Variants in CRB2 observed in about 807,000 individuals in gnomAD.
CRB2 encodes the protein protein crumbs homolog 2.
In CRB2, 85 loss-of-function variants were observed where a neutral mutation model predicts 110.9. That is an observed-to-expected ratio of 0.77 (90% CI 0.64 to 0.92). The LOEUF is 0.92. CRB2 is among the 40% of genes least tolerant of loss of function. The pLI, the probability that CRB2 is intolerant of heterozygous loss-of-function variation, is 0.00. For synonymous variants in CRB2, 907 were observed against 831.0 expected (o/e 1.09, Z -1.57); for missense variants, 1,843 against 1,851.3 (o/e 1.00, Z 0.08).
At chr9:123,375,196 T>C in intron 11 of CRB2, 21 bp from the exon 12 acceptor site, 1 of 1,611,132 alleles carries the variant, frequency 6.2e-7, no homozygotes. Flanking sequence ...AGCCGCTTTC[T>C]CAGCCCCCCT....
At chr9:123,367,451 A>ACCCCC (rs1564372166) in intron 5 of CRB2, 94 bp downstream of exon 5, 9 of 137,830 alleles carry the variant, frequency 6.5e-5, no homozygotes. Flanking sequence ...CCCCCACCCC[A>ACCCCC]CACCCCACAC....
At chr9:123,367,504 G>GT in intron 5 of CRB2, 69 bp from the exon 6 acceptor site, 1 of 1,373,464 alleles carries the variant, frequency 7.3e-7, no homozygotes, top group Non-Finnish European at 9.9e-7. Context: ...TCTAGCTATA[G>GT]AATGGACCCT....
chr9:123,364,197 G>A (rs185488363), intron 2 of CRB2, among the ~76,000 whole-genome samples: 174 of 152,336 alleles, frequency 1.1e-3, no homozygotes, highest in African/African-American at 4.1e-3. Flanking sequence ...TAGTGTACAT[G>A]CCAGTGCAGG....
chr9:123,365,737 C>A (rs1333856330), intron 2 of CRB2, among the ~76,000 whole-genome samples, 180 bp from the exon 3 acceptor site: 2 of 152,198 alleles, frequency 1.3e-5, no homozygotes, highest in South Asian at 2.1e-4. Flanking sequence ...CTGTCTGTCT[C>A]GTTTCTCTCC....
chr9:123,374,088 A>C lies in CRB2; in HGVS notation c.3389+168A>C, dbSNP rs1226310521. 5.2e-6 allele frequency: 5 copies of C among 961,984 alleles called. 1 individual carries two copies. In the South Asian group the frequency reaches 6.9e-5, roughly 13 times the overall value. 59.6% of individuals were successfully genotyped at this position (961,984 alleles called of 1,614,324 possible). On this transcript the variant is annotated intron_variant, in intron 10 of 12. Coordinates refer to ENST00000373631, the MANE Select transcript of CRB2 (RefSeq NM_173689.7). ...TTTGATAAATTTCCTGATAAAATAC[A>C]GATCAAAACACAACCAGTTAGCCTG...
Position 123,363,093 on chromosome 9 carries a change from A to C in CRB2, c.323A>C (p.Asp108Ala), listed in dbSNP as rs1310795614. Reference protein sequence around the residue: ...PGFQGPRCELDIDECASRPCH... With the variant: ...PGFQGPRCELAIDECASRPCH... ...TTCCAGGGCCCACGCTGCGAGCTGG[A>C]CATCGATGAGTGTGCATCCCGGCCG... is the stretch of plus-strand genomic sequence containing the variant. Residue 108 changes from aspartate (D) to alanine (A), a missense_variant, in exon 2 of 13, where the codon GAC becomes GCC. Coordinates refer to ENST00000373631, the MANE Select transcript of CRB2 (RefSeq NM_173689.7). The C allele has an allele frequency of 6.2e-7, 1 of 1,611,424 alleles. No homozygotes were observed. Among genetic ancestry groups the C allele is most frequent in the African/African-American group, 1.3e-5 (1 of 74,902 alleles).
Position 123,373,268 on chromosome 9 carries a change from G to A in CRB2, c.2737G>A (p.Ala913Thr), listed in dbSNP as rs1016336000. 18 of 1,484,234 alleles carry A rather than the reference G, an allele frequency of 1.2e-5. No homozygotes were observed. The African/African-American group carries it at 2.2e-4, about 18-fold the overall frequency. 91.9% of individuals were successfully genotyped at this position (1,484,234 alleles called of 1,614,324 possible). ...RDSEAWLLRA[A>T]AGALEGVWLA... is the part of the protein sequence containing the mutation. ...CTCCGAGGCCTGGCTGCTGCGTGCC[G>A]CGGCGGGCGCCCTGGAAGGCGTGTG... is the stretch of plus-strand genomic sequence containing the variant. Residue 913 changes from alanine to threonine, a missense_variant, in exon 10 of 13, where the codon GCG becomes ACG. Ala to Thr is a moderately conservative substitution (Grantham distance 58, BLOSUM62 0). Coordinates refer to ENST00000373631, the MANE Select transcript of CRB2 (RefSeq NM_173689.7).
chr9:123,366,204 C>T (rs1290214184), intron 3 of CRB2, 23 bp from the exon 4 acceptor site: 2 of 1,404,016 alleles, frequency 1.4e-6, no homozygotes, highest in Non-Finnish European at 1.8e-6. Flanking sequence ...GCGCGCTCAG[C>T]TCCGCCGGTG....
chr9:123,368,707 G>T (rs1319731054), intron 6 of CRB2: 1 of 985,888 alleles, frequency 1.0e-6, no homozygotes, highest in Non-Finnish European at 1.2e-6. Flanking sequence ...GACCCCAGCT[G>T]CAGGGCTGGG....
chr9:123,371,027 C>T, intron 7 of CRB2, 43 bp from the exon 8 acceptor site: 1 of 1,597,256 alleles, frequency 6.3e-7, no homozygotes, highest in South Asian at 1.1e-5. Flanking sequence ...ATCTGCCTCC[C>T]TCAGCCTGCA....
Position 123,370,668 on chromosome 9 carries a change from G to A in CRB2, c.1615G>A (p.Gly539Ser). 1 of 1,607,142 alleles carries A rather than the reference G, an allele frequency of 6.2e-7. No individual in the cohort carries two copies. The highest frequency in any genetic ancestry group is 8.5e-7 in the Non-Finnish European group (1 of 1,179,962). The change falls in exon 7 of 13, where the codon GGC becomes AGC. Residue 539 changes from glycine (G) to serine (S), a missense_variant. Transcript: ENST00000373631. ...CCTGGAGCTACGGCTCTGGCATGAGGGCTGCCCTGCCCGGCTCTGTGTGGC... is the reference window on the plus strand; with the variant it reads ...CCTGGAGCTACGGCTCTGGCATGAGAGCTGCCCTGCCCGGCTCTGTGTGGC... ...ATLELRLWHE[G>S]CPARLCVASG...
In CRB2 at chr9:123,373,462, G is replaced by T; in HGVS notation, c.2931G>T (p.Leu977=). The T allele has an allele frequency of 6.9e-7, 1 of 1,455,616 alleles. No homozygotes were observed. The highest frequency in any genetic ancestry group is 2.6e-5 in the Admixed American group (1 of 38,468). 90.2% of individuals were successfully genotyped at this position (1,455,616 alleles called of 1,614,324 possible). A position where few individuals can be genotyped will look rare whatever the true frequency, so the allele number is the denominator to read the frequency against. ...CCACCTCGCGCTGGCTGCTGTGGCTGGATGGTGCCGCCACCCCGGTGGCGC... is the reference window on the plus strand; with the variant it reads ...CCACCTCGCGCTGGCTGCTGTGGCTTGATGGTGCCGCCACCCCGGTGGCGC... ...AATTSRWLLW[L]DGAATPVALR... The change falls in exon 10 of 13, where the codon CTG becomes CTT. Residue 977 remains leucine (L), a synonymous_variant. Coordinates refer to ENST00000373631, the MANE Select transcript of CRB2 (RefSeq NM_173689.7).
In CRB2 at chr9:123,373,762, C is replaced by T. The variant is rs2042057793; in HGVS notation, c.3231C>T (p.Ala1077=). The change falls in exon 10 of 13, where the codon GCC becomes GCT. Residue 1077 remains alanine, a synonymous_variant. Coordinates refer to ENST00000373631, the MANE Select transcript of CRB2 (RefSeq NM_173689.7). ...GTGCCTGCCGTGACCTCTTCGACGC[C>T]TTTGCCTGCGCCTGCGGCCCGGGGT... The part of the protein sequence containing the change: ...HDGACRDLFD[A]FACACGPGWE... 6.3e-7 allele frequency: 1 copy of T among 1,590,730 alleles called. No individual in the cohort carries two copies. Among genetic ancestry groups the T allele is most frequent in the Non-Finnish European group, 8.5e-7 (1 of 1,176,572 alleles).
At position 123,367,606 on chromosome 9, in the gene CRB2, C is replaced by T. The variant is rs867898611; in HGVS notation, c.974C>T (p.Ala325Val). ...ADCGVEVDEC[A>V]SRPCLNGGHC... ...TGCGGTGTGGAGGTGGACGAGTGTG[C>T]CTCACGGCCATGCCTCAACGGAGGC... The change falls in exon 6 of 13, where the codon GCC (alanine) becomes GTC (valine). Residue 325 changes from alanine to valine, a missense_variant. Transcript: ENST00000373631. 8 of 1,564,982 alleles carry T rather than the reference C, an allele frequency of 5.1e-6. No homozygotes were observed. In the African/African-American group the frequency reaches 9.5e-5, roughly 19 times the overall value.
rs566601766 is a variant in CRB2, at chr9:123,372,402, C to A, written c.2602+60C>A. The A allele has an allele frequency of 9.2e-6, 14 of 1,525,902 alleles. No individual in the cohort carries two copies. In the East Asian group the frequency reaches 2.7e-4, roughly 30 times the overall value. 94.5% of individuals were successfully genotyped at this position (1,525,902 alleles called of 1,614,324 possible). ...TGCTGGACACCTAAGCTGGTTAGAT[C>A]CCATCTGCACTCTCAGGGCTTGTAG... is the stretch of plus-strand genomic sequence containing the variant. On this transcript the variant is annotated intron_variant, in intron 9 of 12. Coordinates refer to ENST00000373631, the MANE Select transcript of CRB2 (RefSeq NM_173689.7).
chr9:123,375,258 T>A lies in CRB2; in HGVS notation c.3548T>A (p.Leu1183Ter). The A allele has an allele frequency of 6.2e-7, 1 of 1,611,594 alleles. No individual in the cohort carries two copies. The highest frequency in any genetic ancestry group is 2.2e-5 in the East Asian group (1 of 44,698). ...PTLPCEANPC[L>*]NGGTCRAAGG... is the part of the protein sequence containing the mutation. ...CTCCCCTGTGAAGCCAACCCCTGCT[T>A]GAATGGGGGCACCTGCCGGGCAGCT... Residue 1183 changes from leucine (L) to a stop codon, truncating the protein, a stop_gained, in exon 12 of 13, where the codon TTG becomes TAG. Transcript: ENST00000373631. LOFTEE classifies it high-confidence loss of function.
At chr9:123,370,076 A>G (rs373209085) in intron 6 of CRB2, 32 bp from the exon 7 acceptor site, 2 of 1,552,510 alleles carry the variant, frequency 1.3e-6, no homozygotes, top group Non-Finnish European at 8.7e-7. Flanking sequence ...GGCCCCAGAC[A>G]TTACTGAACC....
At position 123,363,203 on chromosome 9, in the gene CRB2, C is replaced by T. The variant is rs112149810; in HGVS notation, c.418+15C>T. ...TGGCTATGCAGGTAACAGCCTGGGC[C>T]GCCCTGGGAGGAGGTCTGTAATGCA... On this transcript the variant is annotated intron_variant, in intron 2 of 12. Coordinates refer to ENST00000373631, the MANE Select transcript of CRB2 (RefSeq NM_173689.7). The T allele has an allele frequency of 5.0e-4, 792 of 1,588,446 alleles. No homozygotes were observed. The highest frequency in any genetic ancestry group is 6.2e-4 in the Non-Finnish European group (721 of 1,166,110).
At chr9:123,357,779 C>T (rs2041817370) in intron 1 of CRB2, among the ~76,000 whole-genome samples, 1 of 152,246 alleles carries the variant, frequency 6.6e-6, no homozygotes, top group Non-Finnish European at 1.5e-5. Flanking sequence ...CACAGCACCA[C>T]AGGGACAGGT....
Sources: allele counts gnomAD v4.1 joint callset (sites outside exome capture counted in the v4.1 genomes callset), GRCh38; gene constraint gnomAD v4.1.1; transcripts MANE v1.5; gene names NCBI Gene and HGNC (gene_info 2026-07-23, HGNC 2026-07-21).